The following EYS variants were observed in gnomAD, a reference collection of about 807,000 sequenced individuals.
EYS encodes the protein EGF-like photoreceptor maintenance factor, also known as protein eyes shut homolog.
In EYS, 250 loss-of-function variants were observed where a neutral mutation model predicts 282.1. That is an observed-to-expected ratio of 0.89 (90% CI 0.80 to 0.98). The LOEUF is 0.98. Among genes scored for constraint, EYS ranks in the 50% least tolerant of loss-of-function variants. The pLI is 0.00. For synonymous variants in EYS, 1,355 were observed against 1,282.9 expected (o/e 1.06, Z -1.20); for missense variants, 4,016 against 3,709.0 (o/e 1.08, Z -2.15).
At chr6:64,504,513 C>T (rs1777152398) in intron 26 of EYS, among the ~76,000 whole-genome samples, 1 of 152,162 alleles carries the variant, frequency 6.6e-6, no homozygotes, top group Non-Finnish European at 1.5e-5. Context: ...GGGCCAGAGT[C>T]TGTTCTGGAT....
intron 34 of EYS, among the ~76,000 whole-genome samples, chr6:63,996,152 A>G (rs1312875742): frequency 6.6e-6 from 1 of 152,074 alleles, no homozygotes; most frequent in Admixed American, 6.6e-5. Flanking sequence ...ATTTTTTAAA[A>G]GAAAGAAATC....
At chr6:65,042,834 A>AT (rs138982817) in intron 13 of EYS, among the ~76,000 whole-genome samples, 11,525 of 151,222 alleles carry the variant, frequency 0.076, 494 homozygotes, top group East Asian at 0.14. Context: ...TTAAGATTTT[A>AT]TTAGCTTAAT....
chr6:65,443,760 A>C (rs1438127005), intron 5 of EYS, among the ~76,000 whole-genome samples: 1 of 151,408 alleles, frequency 6.6e-6, no homozygotes, highest in African/African-American at 2.4e-5. Context: ...ACATACGTGC[A>C]TATACACATA....
rs1773740289 is a variant in EYS, at chr6:64,407,069, A to G, written c.5928-18229T>C. On this transcript the variant is annotated intron_variant, in intron 28 of 42. Coordinates refer to ENST00000503581, the MANE Select transcript of EYS (RefSeq NM_001142800.2). ...AACCCAAATGCCCATCAATGATGGA[A>G]TGGATAAAGAAAATGTGGCACATAT... Among the ~76,000 whole-genome samples the G allele has an allele frequency of 2.6e-5, 4 of 152,308 alleles. No homozygotes were observed. The South Asian group carries it at 8.3e-4, about 32-fold the overall frequency.
chr6:64,711,494 G>T (rs940061228), intron 22 of EYS, among the ~76,000 whole-genome samples: 3 of 152,036 alleles, frequency 2.0e-5, no homozygotes, highest in Admixed American at 1.3e-4. Context: ...TATTAAAATT[G>T]GTCAAATTAC....
At chr6:64,110,155 A>G (rs1773158002) in intron 31 of EYS, among the ~76,000 whole-genome samples, 1 of 151,876 alleles carries the variant, frequency 6.6e-6, no homozygotes, top group South Asian at 2.1e-4. Flanking sequence ...TTTTGTTCAC[A>G]TAGAATCTAA....
intron 18 of EYS, among the ~76,000 whole-genome samples, chr6:64,888,876 C>A (rs906045534): frequency 6.6e-6 from 1 of 152,090 alleles, no homozygotes; most frequent in East Asian, 1.9e-4. Flanking sequence ...ACACAGAATT[C>A]TCAGAAATAG....
At chr6:65,600,277 C>G (rs1765570707) in intron 2 of EYS, among the ~76,000 whole-genome samples, 1 of 152,006 alleles carries the variant, frequency 6.6e-6, no homozygotes, top group African/African-American at 2.4e-5. Flanking sequence ...TTCTCCCTGA[C>G]CTGTTGCATT....
chr6:64,950,832 T>TATATATATATATATATATAA (rs1310289103), intron 14 of EYS, among the ~76,000 whole-genome samples: 16 of 103,058 alleles, frequency 1.6e-4, no homozygotes, highest in East Asian at 9.0e-4. Flanking sequence ...TATATATATA[T>TATATATATATATATATATAA]ATTGTTGAAT....
At chr6:64,035,335 C>T (rs780275023) in intron 33 of EYS, among the ~76,000 whole-genome samples, 1 of 152,160 alleles carries the variant, frequency 6.6e-6, no homozygotes, top group African/African-American at 2.4e-5. Flanking sequence ...AGAAACTATA[C>T]TTTCATGCTA....
At chr6:65,604,842 C>CTTTT (rs10583844) in intron 2 of EYS, among the ~76,000 whole-genome samples, 1 of 130,402 alleles carries the variant, frequency 7.7e-6, no homozygotes, top group African/African-American at 2.8e-5. Flanking sequence ...TCACTGCCCC[C>CTTTT]TTTTTTTTTT....
chr6:65,114,817 T>A (rs1225822511), intron 12 of EYS, among the ~76,000 whole-genome samples: 1 of 151,982 alleles, frequency 6.6e-6, no homozygotes, highest in African/African-American at 2.4e-5. Context: ...AGATTCTGAA[T>A]ACTCCTATGT....
At chr6:63,779,642 A>T (rs1449315889) in intron 39 of EYS, among the ~76,000 whole-genome samples, 3 of 152,124 alleles carry the variant, frequency 2.0e-5, no homozygotes, top group African/African-American at 7.2e-5. Flanking sequence ...TTTCAAATAA[A>T]TGGGAACATC....
rs144974652 is a variant in EYS, at chr6:65,413,812, C to T, written c.863-8445G>A. On this transcript the variant is annotated intron_variant, in intron 5 of 42. Coordinates refer to ENST00000503581, the MANE Select transcript of EYS (RefSeq NM_001142800.2). Reference sequence around the variant, plus strand: ...CAGAGCTTGCAGTGAGCCGAGATTGCGCCACTGCACTCCAGTATGGGCGAC... The same window carrying T: ...CAGAGCTTGCAGTGAGCCGAGATTGTGCCACTGCACTCCAGTATGGGCGAC... Among the ~76,000 whole-genome samples, 794 of 151,862 alleles carry T rather than the reference C, an allele frequency of 5.2e-3. 8 individuals carry two copies. The highest frequency in any genetic ancestry group is 0.014 in the Middle Eastern group (4 of 292).
chr6:64,770,142 T>C (rs1773480295), intron 22 of EYS, among the ~76,000 whole-genome samples: 1 of 151,834 alleles, frequency 6.6e-6, no homozygotes, highest in African/African-American at 2.4e-5. Flanking sequence ...TAGCAAGGAG[T>C]AGGAAAGCCT....
intron 28 of EYS, among the ~76,000 whole-genome samples, chr6:64,398,401 A>G (rs1773446995): frequency 6.6e-6 from 1 of 151,930 alleles, no homozygotes; most frequent in African/African-American, 2.4e-5. Context: ...ATGTTGACTC[A>G]GGCTGCATTG....
At chr6:64,818,590 G>A (rs1465169979) in intron 21 of EYS, among the ~76,000 whole-genome samples, 3 of 152,108 alleles carry the variant, frequency 2.0e-5, no homozygotes, top group African/African-American at 7.2e-5. Flanking sequence ...AGGCCCGAAA[G>A]CCCCTGACAA....
intron 35 of EYS, among the ~76,000 whole-genome samples, chr6:63,919,348 A>G (rs1764507375): frequency 1.0e-5 from 1 of 95,360 alleles, no homozygotes; most frequent in African/African-American, 4.0e-5. Context: ...GCAGCCTGAG[A>G]GGTTGTTTTA....
At chr6:63,945,357 C>A (rs1312386336) in intron 35 of EYS, among the ~76,000 whole-genome samples, 1 of 152,058 alleles carries the variant, frequency 6.6e-6, no homozygotes, top group Non-Finnish European at 1.5e-5. Flanking sequence ...CCCCCATGAT[C>A]CAATTACCTC....
Sources: gnomAD v4.1 joint callset for allele counts (sites outside exome capture counted in the v4.1 genomes callset) on GRCh38, gnomAD v4.1.1 for gene constraint, MANE v1.5 for transcripts, NCBI Gene and HGNC (gene_info 2026-07-23, HGNC 2026-07-21) for gene names.